The following MYEF2 variants were observed in gnomAD, a reference collection of about 807,000 sequenced individuals.
MYEF2 encodes the protein myelin gene expression factor 2.
MYEF2 carries 37 observed loss-of-function variants against 75.2 expected under a neutral mutation model. The observed-to-expected ratio is 0.49, with a 90% CI of 0.38 to 0.65. The LOEUF (loss-of-function observed/expected upper bound fraction) is 0.65. Among genes scored for constraint, MYEF2 ranks in the 30% least tolerant of loss-of-function variants. The probability of loss-of-function intolerance (pLI) is 0.00; values close to 1 mark genes in which losing one functional copy is unlikely to be tolerated. For missense variants in MYEF2, 634 were observed against 771.4 expected, an observed-to-expected ratio of 0.82 and a Z score of 2.11; for synonymous variants, 195 against 241.6, an observed-to-expected ratio of 0.81 and a Z score of 1.79.
In MYEF2 at chr15:48,148,175, G is replaced by A. The variant is rs557962098; in HGVS notation, c.1639+857C>T. Among the ~76,000 whole-genome samples, 44 of 152,034 alleles carry A rather than the reference G, an allele frequency of 2.9e-4. No individual in the cohort carries two copies. In the Middle Eastern group the frequency reaches 0.01, roughly 35 times the overall value. On this transcript the variant is annotated intron_variant, in intron 16 of 16. Coordinates refer to ENST00000324324, the MANE Select transcript of MYEF2 (RefSeq NM_016132.5). ...AGAAATTATATATATGCTATCTTATGTAATTTCCTATTGTGACTACAGTCG... is the reference window on the plus strand; with the variant it reads ...AGAAATTATATATATGCTATCTTATATAATTTCCTATTGTGACTACAGTCG...
Position 48,158,135 on chromosome 15 carries a change from C to CTGAAGAGGTTGGAGGTTG in MYEF2, c.921+22_921+39dup, listed in dbSNP as rs764098451. On this transcript the variant is annotated intron_variant, in intron 8 of 16. Coordinates refer to ENST00000324324, the MANE Select transcript of MYEF2 (RefSeq NM_016132.5). ...ATGTAGAAGAGAGCCAATAAAAGAT[C>CTGAAGAGGTTGGAGGTTG]TGAAGAGGTTGGAGGTTGAAGTGAT... 1.9e-6 allele frequency: 3 copies of CTGAAGAGGTTGGAGGTTG among 1,611,832 alleles called. No individual in the cohort carries two copies. The South Asian group carries it at 3.3e-5, about 18-fold the overall frequency.
In MYEF2 at chr15:48,166,006, T is replaced by C. The variant is rs1407025242; in HGVS notation, c.452A>G (p.Glu151Gly). Residue 151 changes from glutamate to glycine, a missense_variant, in exon 5 of 17, where the codon GAA (glutamate) becomes GGA (glycine). Glu to Gly is a moderately conservative substitution (Grantham distance 98). Coordinates refer to ENST00000324324, the MANE Select transcript of MYEF2 (RefSeq NM_016132.5). ...RGCGVVEFKD[E>G]EFVKKALETM... ...TTCTAGGGCTTTCTTTACAAATTCT[T>C]CATCTTTGAATTCAACCACACTTAA... The C allele has an allele frequency of 2.5e-6, 4 of 1,598,122 alleles. No individual in the cohort carries two copies. The African/African-American group carries it at 5.4e-5, about 22-fold the overall frequency.
Position 48,136,816 on chromosome 15 carries a change from A to G in MYEF2, c.*6092T>C, listed in dbSNP as rs1200532266. On this transcript the variant is annotated 3_prime_UTR_variant, in exon 17 of 17. Transcript: ENST00000324324. The stretch of plus-strand genomic sequence containing the variant: ...CTGTCTTGCCAAAGCTATGGAGAGA[A>G]GTGAACAACAGCCACTGATGGGCTG... 3 of 1,613,864 alleles carry G rather than the reference A, an allele frequency of 1.9e-6. No individual in the cohort carries two copies. The highest frequency in any genetic ancestry group is 2.5e-6 in the Non-Finnish European group (3 of 1,179,840).
chr15:48,148,967 A>G (rs1415854567), intron 16 of MYEF2, 65 bp downstream of exon 16: 2 of 1,557,130 alleles, frequency 1.3e-6, no homozygotes, highest in Non-Finnish European at 1.8e-6. Flanking sequence ...ACAGTGTATA[A>G]AAGTTTAAAA....
intron 5 of MYEF2, among the ~76,000 whole-genome samples, chr15:48,164,587 A>G (rs1204515453): frequency 1.3e-5 from 2 of 152,198 alleles, no homozygotes; most frequent in African/African-American, 4.8e-5. Context: ...GTAAAATGCT[A>G]TCAAACAACA....
intron 3 of MYEF2, 112 bp downstream of exon 3, chr15:48,167,237 A>C: frequency 9.5e-7 from 1 of 1,057,546 alleles, no homozygotes; most frequent in Non-Finnish European, 1.4e-6. Flanking sequence ...TTGCATAATA[A>C]AGTAAAACAA....
intron 10 of MYEF2, 161 bp downstream of exon 10, chr15:48,153,631 C>A: frequency 1.6e-6 from 1 of 610,632 alleles, no homozygotes; most frequent in Non-Finnish European, 2.8e-6. Flanking sequence ...TTCATGTTAG[C>A]TGTGCTCAAG....
Position 48,153,871 on chromosome 15 carries a change from C to G in MYEF2, c.1008G>C (p.Met336Ile), listed in dbSNP as rs749499118. Residue 336 changes from methionine (M) to isoleucine (I), a missense_variant, in exon 10 of 17, where the codon ATG (methionine) becomes ATC (isoleucine). Physicochemically the swap from Met to Ile is conservative, Grantham distance 10 (BLOSUM62 1). Coordinates refer to ENST00000324324, the MANE Select transcript of MYEF2 (RefSeq NM_016132.5). ...TAGGCTGTCCACCCGGACCAAGTCCCATCCCAATGCCTCCAAGACCACCTA... is the reference window on the plus strand; with the variant it reads ...TAGGCTGTCCACCCGGACCAAGTCCGATCCCAATGCCTCCAAGACCACCTA... ...QLPRGLGGIG[M>I]GLGPGGQPIS... The G allele has an allele frequency of 2.1e-5, 34 of 1,613,036 alleles. No individual in the cohort carries two copies. The highest frequency in any genetic ancestry group is 2.6e-5 in the Non-Finnish European group (31 of 1,179,442).
chr15:48,152,206 A>G, intron 11 of MYEF2, 28 bp downstream of exon 11: 1 of 1,585,766 alleles, frequency 6.3e-7, no homozygotes, highest in Non-Finnish European at 8.6e-7. Flanking sequence ...TGATGGGTAC[A>G]TACAAAAAAA....
Position 48,134,824 on chromosome 15 carries a change from C to G in MYEF2, c.*8084G>C. 1 of 1,266,920 alleles carries G rather than the reference C, an allele frequency of 7.9e-7. No homozygotes were observed. Among genetic ancestry groups the G allele is most frequent in the Non-Finnish European group, 1.1e-6 (1 of 883,560 alleles). The allele number at this position is 1,266,920 out of a possible 1,614,324, so 78.5% of individuals were successfully genotyped here. A position where few individuals can be genotyped will look rare whatever the true frequency, so the allele number is the denominator to read the frequency against. On this transcript the variant is annotated 3_prime_UTR_variant, in exon 17 of 17. Coordinates refer to ENST00000324324, the MANE Select transcript of MYEF2 (RefSeq NM_016132.5). Reference sequence around the variant, plus strand: ...ATATATAAACAATTTTAGTATTATACTAAGGATTGTACTTGAAGAAGTTAC... The same window carrying G: ...ATATATAAACAATTTTAGTATTATAGTAAGGATTGTACTTGAAGAAGTTAC...
Position 48,142,713 on chromosome 15 carries a change from C to G in MYEF2, c.*195G>C. 1 of 534,290 alleles carries G rather than the reference C, an allele frequency of 1.9e-6. No homozygotes were observed. The allele number at this position is 534,290 out of a possible 1,614,324, so 33.1% of individuals were successfully genotyped here. A position where few individuals can be genotyped will look rare whatever the true frequency, so the allele number is the denominator to read the frequency against. On this transcript the variant is annotated 3_prime_UTR_variant, in exon 17 of 17. Coordinates refer to ENST00000324324, the MANE Select transcript of MYEF2 (RefSeq NM_016132.5). ...CATTTAAACTGAATGACCAGACTTGCTGTCTTTAAAAACCCAAACTTGAGA... is the reference window on the plus strand; with the variant it reads ...CATTTAAACTGAATGACCAGACTTGGTGTCTTTAAAAACCCAAACTTGAGA...
At position 48,142,917 on chromosome 15, in the gene MYEF2, A is replaced by T; in HGVS notation, c.1794T>A (p.Arg598=). 1 of 1,590,632 alleles carries T rather than the reference A, an allele frequency of 6.3e-7. No homozygotes were observed. The highest frequency in any genetic ancestry group is 1.4e-5 in the African/African-American group (1 of 73,166). Residue 598 remains arginine, a synonymous_variant, in exon 17 of 17, where the codon CGT becomes CGA. Transcript: ENST00000324324. The part of the protein sequence containing the change: ...SGREIDVRLD[R]NA ...CAACCATGGCTTGAAATTATGCATTACGATCCAAGCGAACATCAATTTCTC... is the reference window on the plus strand; with the variant it reads ...CAACCATGGCTTGAAATTATGCATTTCGATCCAAGCGAACATCAATTTCTC...
Position 48,158,808 on chromosome 15 carries a change from C to T in MYEF2, c.832G>A (p.Val278Ile), listed in dbSNP as rs1176235711. Residue 278 changes from valine (V) to isoleucine (I), a missense_variant, in exon 7 of 17, where the codon GTC (valine) becomes ATC (isoleucine). By Grantham distance (29) the Val-to-Ile change is conservative (BLOSUM62 3). Coordinates refer to ENST00000324324, the MANE Select transcript of MYEF2 (RefSeq NM_016132.5). The part of the protein sequence containing the change: ...KDGKSRGMGT[V>I]TFEQAIEAVQ... ...GCTTCAATTGCTTGCTCAAAAGTGACAGTGCCCATTCCTCTGCTCTTGCCA... is the reference window on the plus strand; with the variant it reads ...GCTTCAATTGCTTGCTCAAAAGTGATAGTGCCCATTCCTCTGCTCTTGCCA... The T allele has an allele frequency of 1.5e-5, 24 of 1,613,610 alleles. No homozygotes were observed. Among genetic ancestry groups the T allele is most frequent in the Non-Finnish European group, 1.9e-5 (23 of 1,179,726 alleles).
chr15:48,165,958 C>G lies in MYEF2; in HGVS notation c.500G>C (p.Ser167Thr), dbSNP rs140975713. ...CTCTTTAATATTAAGGGGTCTTCCA[C>G]TAAGATCATATTTGTTCATAGTTTC... Reference protein sequence around the residue: ...ALETMNKYDLSGRPLNIKEDP... With the variant: ...ALETMNKYDLTGRPLNIKEDP... The change falls in exon 5 of 17, where the codon AGT becomes ACT. Residue 167 changes from serine (S) to threonine (T), a missense_variant. Ser to Thr is a moderately conservative substitution (Grantham distance 58). Transcript: ENST00000324324. 1 of 1,581,584 alleles carries G rather than the reference C, an allele frequency of 6.3e-7. No individual in the cohort carries two copies. Among genetic ancestry groups the G allele is most frequent in the East Asian group, 2.2e-5 (1 of 44,454 alleles).
intron 3 of MYEF2, 98 bp from the exon 4 acceptor site, chr15:48,166,226 C>T: frequency 1.0e-6 from 1 of 965,952 alleles, no homozygotes; most frequent in Non-Finnish European, 1.5e-6. Flanking sequence ...ATCATTAAGG[C>T]AATTAATAAT....
In MYEF2 at chr15:48,135,199, T is replaced by TC. The variant is rs2038867228; in HGVS notation, c.*7708dup. On this transcript the variant is annotated 3_prime_UTR_variant, in exon 17 of 17. Coordinates refer to ENST00000324324, the MANE Select transcript of MYEF2 (RefSeq NM_016132.5). ...TTAATCACTTCACAGTCTCCTTTTT[T>TC]CTCTCACTAGTCACTGGAGACCACC... The TC allele has an allele frequency of 7.5e-6, 3 of 400,500 alleles. No individual in the cohort carries two copies. In the South Asian group the frequency reaches 1.2e-4, roughly 16 times the overall value. 24.8% of individuals were successfully genotyped at this position (400,500 alleles called of 1,614,324 possible). A position where few individuals can be genotyped will look rare whatever the true frequency, so the allele number is the denominator to read the frequency against.
At position 48,138,361 on chromosome 15, in the gene MYEF2, T is replaced by C. The variant is rs1331784937; in HGVS notation, c.*4547A>G. On this transcript the variant is annotated 3_prime_UTR_variant, in exon 17 of 17. Transcript: ENST00000324324. ...AAGAAATATACTCAATTTTCATAAATTGTACTTTAGATGATATACTACCTC... is the reference window on the plus strand; with the variant it reads ...AAGAAATATACTCAATTTTCATAAACTGTACTTTAGATGATATACTACCTC... 6.6e-6 allele frequency: 1 copy of C among 152,026 alleles called. No individual in the cohort carries two copies. Among genetic ancestry groups the C allele is most frequent in the Non-Finnish European group, 1.5e-5 (1 of 67,934 alleles). The allele number at this position is 152,026 out of a possible 1,614,324, so 9.4% of individuals were successfully genotyped here.
chr15:48,162,315 T>C (rs2039971263), intron 5 of MYEF2, among the ~76,000 whole-genome samples: 2 of 152,146 alleles, frequency 1.3e-5, no homozygotes, highest in Admixed American at 1.3e-4. Context: ...ACACTGGTAA[T>C]ATCACAAGCA....
intron 2 of MYEF2, among the ~76,000 whole-genome samples, 173 bp downstream of exon 2, chr15:48,168,458 C>T (rs1039195964): frequency 2.6e-5 from 4 of 151,846 alleles, no homozygotes; most frequent in Admixed American, 2.6e-4. Flanking sequence ...TCCATACTAC[C>T]TTGTAATGAA....
Sources: allele counts gnomAD v4.1 joint callset (sites outside exome capture counted in the v4.1 genomes callset), GRCh38; gene constraint gnomAD v4.1.1; transcripts MANE v1.5; gene names NCBI Gene and HGNC (gene_info 2026-07-23, HGNC 2026-07-21).